FBXW8: variants seen among roughly 807,000 people sequenced by gnomAD.
FBXW8 encodes the protein F-box and WD repeat domain containing 8.
Under a neutral mutation model 65.3 loss-of-function variants are expected in FBXW8, and 57 were observed. That is an observed-to-expected ratio of 0.87 (90% CI 0.71 to 1.09). FBXW8 has a LOEUF of 1.09. Among genes scored for constraint, FBXW8 ranks in the 50% least tolerant of loss-of-function variants. FBXW8 has a pLI of 0.00. For missense variants in FBXW8, 777 were observed against 814.8 expected (o/e 0.95, Z 0.57); for synonymous variants, 308 against 330.2 (o/e 0.93, Z 0.73).
At chr12:116,911,967 T>C (rs922249630) in intron 1 of FBXW8, among the ~76,000 whole-genome samples, 2 of 152,166 alleles carry the variant, frequency 1.3e-5, no homozygotes, top group African/African-American at 4.8e-5. Context: ...CGTGGATACC[T>C]TGGAGAATCT....
chr12:117,023,113 T>C (rs962090989), intron 8 of FBXW8, among the ~76,000 whole-genome samples: 10 of 152,226 alleles, frequency 6.6e-5, no homozygotes, highest in Non-Finnish European at 1.0e-4. Context: ...AAGCTAGGTA[T>C]AGAATTGTTG....
rs1882177119 is a variant in FBXW8, at chr12:116,936,594, G to T, written c.423+8467G>T. Among the ~76,000 whole-genome samples, 1 of 152,162 alleles carries T rather than the reference G, an allele frequency of 6.6e-6. No homozygotes were observed. Among genetic ancestry groups the T allele is most frequent in the South Asian group, 2.1e-4 (1 of 4,826 alleles). On this transcript the variant is annotated intron_variant, in intron 2 of 10. Coordinates refer to ENST00000652555, the MANE Select transcript of FBXW8 (RefSeq NM_153348.3). This position sits in a 1 kb window ranked among gnomAD's most constrained non-coding sequence, Gnocchi z 4.6. ...GGCCACAAACCAAGGAATGTAGGTAGCTTGAAGCTGGAAAAGGTAAGAAAA... is the reference window on the plus strand; with the variant it reads ...GGCCACAAACCAAGGAATGTAGGTATCTTGAAGCTGGAAAAGGTAAGAAAA...
Position 117,027,412 on chromosome 12 carries a change from C to CTCAT in FBXW8, c.1564_1567dup (p.Ser523IlefsTer39). On this transcript the variant is annotated frameshift_variant, in exon 10 of 11. Coordinates refer to ENST00000652555, the MANE Select transcript of FBXW8 (RefSeq NM_153348.3). LOFTEE classifies it high-confidence loss of function. ...CTTCCAGGCACCCGGTGCAGCACAT[C>CTCAT]TCATTCAGCAGCCACAGCCTCATCA... 6.2e-7 allele frequency: 1 copy of CTCAT among 1,614,122 alleles called. No homozygotes were observed.
intron 5 of FBXW8, chr12:116,979,452 C>G (rs999345536): frequency 5.9e-5 from 9 of 152,326 alleles, no homozygotes; most frequent in Non-Finnish European, 2.9e-5. Context: ...TGCTGCTTGT[C>G]AAGGTGGAGG....
chr12:117,007,958 C>G (rs750114626), intron 7 of FBXW8, among the ~76,000 whole-genome samples: 3 of 152,136 alleles, frequency 2.0e-5, no homozygotes, highest in Admixed American at 6.5e-5. Context: ...AGGTACTCTT[C>G]AGATAGTTCG....
rs771906729 is a variant in FBXW8, at chr12:117,028,067, C to A, written c.1692C>A (p.Asp564Glu). The A allele has an allele frequency of 6.2e-7, 1 of 1,614,002 alleles. No individual in the cohort carries two copies. Among genetic ancestry groups the A allele is most frequent in the South Asian group, 1.1e-5 (1 of 91,084 alleles). ...GLIRAYEFAV[D>E]QLAFQSPLPV... ...TCCGCGCCTATGAGTTTGCGGTGGA[C>A]CAGCTGGCCTTCCAGAGCCCTCTCC... Residue 564 changes from aspartate (D) to glutamate (E), a missense_variant, in exon 11 of 11, where the codon GAC becomes GAA. By Grantham distance (45) the Asp-to-Glu change is conservative (BLOSUM62 2). Coordinates refer to ENST00000652555, the MANE Select transcript of FBXW8 (RefSeq NM_153348.3). The surrounding 1 kb of genome is among the most constrained non-coding windows in gnomAD (Gnocchi z 4.1).
In FBXW8 at chr12:117,024,436, G is replaced by T; in HGVS notation, c.1541+116G>T. On this transcript the variant is annotated intron_variant, in intron 9 of 10. Coordinates refer to ENST00000652555, the MANE Select transcript of FBXW8 (RefSeq NM_153348.3). ...CCCCTACCCCCCGGCTTCGCCAGGT[G>T]AATCCTTACTGTGACCCTAGGAGCC... 3 of 1,203,994 alleles carry T rather than the reference G, an allele frequency of 2.5e-6. No homozygotes were observed. The South Asian group carries it at 4.3e-5, about 17-fold the overall frequency. 74.6% of individuals were successfully genotyped at this position (1,203,994 alleles called of 1,614,324 possible).
At chr12:117,023,198 C>T (rs566496027) in intron 8 of FBXW8, among the ~76,000 whole-genome samples, 80 of 152,268 alleles carry the variant, frequency 5.3e-4, no homozygotes, top group African/African-American at 1.7e-3. Context: ...AGTCAGGGCA[C>T]GGGACATGTT....
chr12:116,949,860 T>G lies in FBXW8; in HGVS notation c.677+154T>G, dbSNP rs1883165032. The G allele has an allele frequency of 1.4e-5, 10 of 722,348 alleles. No homozygotes were observed. The South Asian group carries it at 1.6e-4, about 12-fold the overall frequency. 44.7% of individuals were successfully genotyped at this position (722,348 alleles called of 1,614,324 possible). ...GGAAGAGGGAGAGTCTCCGTGATTC[T>G]GTTCCCAAGGACGTGAGAGCGCGCA... On this transcript the variant is annotated intron_variant, in intron 4 of 10. Transcript: ENST00000652555.
chr12:116,925,776 C>T (rs775117651), intron 1 of FBXW8, among the ~76,000 whole-genome samples: 11 of 152,158 alleles, frequency 7.2e-5, no homozygotes, highest in Non-Finnish European at 1.3e-4. Flanking sequence ...ACAGTGAGAC[C>T]AGCATGAGGT....
At chr12:117,013,111 C>T (rs909858508) in intron 8 of FBXW8, among the ~76,000 whole-genome samples, 1 of 152,138 alleles carries the variant, frequency 6.6e-6, no homozygotes, top group Non-Finnish European at 1.5e-5. Flanking sequence ...CGCATGGTGA[C>T]GCATGCCTGT....
At chr12:116,960,139 T>C (rs1883891467) in intron 4 of FBXW8, among the ~76,000 whole-genome samples, 1 of 152,200 alleles carries the variant, frequency 6.6e-6, no homozygotes, top group South Asian at 2.1e-4. Context: ...CTACCTCCAT[T>C]CGTTATCTGT....
At chr12:117,024,380 A>T (rs910428309) in intron 9 of FBXW8, 60 bp downstream of exon 9, 1 of 1,591,372 alleles carries the variant, frequency 6.3e-7, no homozygotes, top group Non-Finnish European at 8.6e-7. Context: ...GGCAGCACTA[A>T]TCAGCCTGCA....
At chr12:116,955,291 G>A (rs948575976) in intron 4 of FBXW8, among the ~76,000 whole-genome samples, 2 of 152,190 alleles carry the variant, frequency 1.3e-5, no homozygotes, top group South Asian at 2.1e-4. Flanking sequence ...TTCTTTGTTG[G>A]AGAGATAAGT....
intron 8 of FBXW8, among the ~76,000 whole-genome samples, chr12:117,012,319 A>G (rs1207804736): frequency 6.6e-6 from 1 of 152,032 alleles, no homozygotes; most frequent in African/African-American, 2.4e-5. Flanking sequence ...GTCTCTGTGG[A>G]TGAAAAGAAC....
At chr12:117,017,747 G>A (rs1404084193) in intron 8 of FBXW8, among the ~76,000 whole-genome samples, 3 of 152,090 alleles carry the variant, frequency 2.0e-5, no homozygotes, top group Non-Finnish European at 2.9e-5. Context: ...ATTAGCAGAA[G>A]GTCAGGTCCT....
At position 116,985,237 on chromosome 12, in the gene FBXW8, A is replaced by G. The variant is rs1024476606; in HGVS notation, c.867A>G (p.Gly289=). 1 of 1,612,018 alleles carries G rather than the reference A, an allele frequency of 6.2e-7. No homozygotes were observed. Among genetic ancestry groups the G allele is most frequent in the African/African-American group, 1.3e-5 (1 of 74,960 alleles). The change falls in exon 6 of 11, where the codon GGA becomes GGG. Residue 289 remains glycine, a synonymous_variant. Coordinates refer to ENST00000652555, the MANE Select transcript of FBXW8 (RefSeq NM_153348.3). ...TTAATATTTGGGATTTAAGGACCGG[A>G]AAGTACCCTGTTCATCGTTTTGAGC... ...GFLNIWDLRT[G]KYPVHRFEHD... is the part of the protein sequence containing the mutation.
chr12:116,974,966 G>T (rs1209213715), intron 5 of FBXW8, among the ~76,000 whole-genome samples: 1 of 152,126 alleles, frequency 6.6e-6, no homozygotes, highest in Non-Finnish European at 1.5e-5. Context: ...AGCTCCTGAG[G>T]GCTAAAGGAA....
chr12:116,942,538 C>G (rs1433039624), intron 2 of FBXW8, among the ~76,000 whole-genome samples: 4 of 150,562 alleles, frequency 2.7e-5, no homozygotes, highest in Non-Finnish European at 4.4e-5. Context: ...CCATGTCCAG[C>G]TAGTTTTTTA....
Sources: allele counts gnomAD v4.1 joint callset (sites outside exome capture counted in the v4.1 genomes callset), GRCh38; gene constraint gnomAD v4.1.1; non-coding constraint Gnocchi (gnomAD v3.1); transcripts MANE v1.5; gene names NCBI Gene and HGNC (gene_info 2026-07-23, HGNC 2026-07-21).